Variants in ITPR1 observed in about 807,000 individuals in gnomAD.
ITPR1 encodes inositol 1,4,5-trisphosphate receptor type 1.
A neutral mutation model predicts 318.4 loss-of-function variants in ITPR1; 96 were observed. The ratio of observed to expected loss-of-function variants is 0.30; its 90% CI spans 0.26 to 0.36. The LOEUF (loss-of-function observed/expected upper bound fraction) is 0.36. Ranked by LOEUF, ITPR1 falls within the 10% of genes least tolerant of loss-of-function variation. ITPR1 has a pLI of 1.00. For missense variants in ITPR1, 2,440 were observed against 3,460.2 expected (o/e 0.71, Z 7.40); for synonymous variants, 1,312 against 1,289.9 (o/e 1.02, Z -0.37).
At chr3:4,547,081 ACTTT>A (rs998551558) in intron 4 of ITPR1, among the ~76,000 whole-genome samples, 2 of 152,158 alleles carry the variant, frequency 1.3e-5, no homozygotes, top group Admixed American at 6.5e-5. Context: ...ACACAGCAAA[ACTTT>A]TATTGAGTGT....
chr3:4,594,342 T>C (rs760377036), intron 4 of ITPR1, among the ~76,000 whole-genome samples: 9 of 152,206 alleles, frequency 5.9e-5, no homozygotes, highest in Non-Finnish European at 1.2e-4. Flanking sequence ...TTCCCTGTCT[T>C]GCTTCCTTTA....
chr3:4,545,719 A>G (rs892948278), intron 4 of ITPR1, among the ~76,000 whole-genome samples: 64 of 142,154 alleles, frequency 4.5e-4, no homozygotes, highest in African/African-American at 1.6e-3. Context: ...TTTTTTAAAG[A>G]CAGAGTCTTG....
chr3:4,668,596 T>C (rs2094003180), intron 18 of ITPR1, among the ~76,000 whole-genome samples: 1 of 152,154 alleles, frequency 6.6e-6, no homozygotes, highest in South Asian at 2.1e-4. Context: ...GGCTCCCCAG[T>C]AGCTGCGACT....
In ITPR1 at chr3:4,630,384, C is replaced by T. The variant is rs186954116; in HGVS notation, c.279+2506C>T. Among the ~76,000 whole-genome samples, 29 of 152,116 alleles carry T rather than the reference C, an allele frequency of 1.9e-4. No homozygotes were observed. In the East Asian group the frequency reaches 5.6e-3, roughly 29 times the overall value. The stretch of plus-strand genomic sequence containing the variant: ...GTTGAAATCCCTAAAAATTCAGTTC[C>T]AAAAGTCTAAATCCCTAAAGTGTAA... On this transcript the variant is annotated intron_variant, in intron 5 of 61. Coordinates refer to ENST00000649015, the MANE Select transcript of ITPR1 (RefSeq NM_001378452.1).
chr3:4,750,842 G>A (rs982619762), intron 44 of ITPR1: 1 of 152,036 alleles, frequency 6.6e-6, no homozygotes, highest in African/African-American at 2.4e-5. Context: ...TCCTTCCTAA[G>A]TGCTCAGCTC....
At chr3:4,788,428 G>A (rs902059062) in intron 52 of ITPR1, among the ~76,000 whole-genome samples, 1 of 152,160 alleles carries the variant, frequency 6.6e-6, no homozygotes, top group Non-Finnish European at 1.5e-5. Context: ...TCTCTATCTA[G>A]AAAATAAAAA....
chr3:4,648,611 A>T (rs192380130), intron 10 of ITPR1, among the ~76,000 whole-genome samples: 200 of 152,294 alleles, frequency 1.3e-3, no homozygotes, highest in Non-Finnish European at 2.4e-3. Flanking sequence ...GGAATTCAAG[A>T]CCAACCTGGT....
At chr3:4,793,597 A>G (rs533916263) in intron 52 of ITPR1, among the ~76,000 whole-genome samples, 3 of 152,348 alleles carry the variant, frequency 2.0e-5, no homozygotes, top group South Asian at 2.1e-4. Flanking sequence ...TGCTTCAGCA[A>G]TCAACTTACC....
chr3:4,766,467 C>T, intron 44 of ITPR1, 63 bp from the exon 45 acceptor site: 1 of 1,420,954 alleles, frequency 7.0e-7, no homozygotes, highest in Non-Finnish European at 9.8e-7. Context: ...GTTTTGGTGT[C>T]ATGAGTGGGG....
At chr3:4,602,598 A>G (rs1041012218) in intron 4 of ITPR1, among the ~76,000 whole-genome samples, 11 of 152,136 alleles carry the variant, frequency 7.2e-5, no homozygotes, top group Non-Finnish European at 1.2e-4. Context: ...GCTAAAAAGT[A>G]GAAACAACTC....
intron 4 of ITPR1, among the ~76,000 whole-genome samples, chr3:4,571,512 T>A (rs918071553): frequency 1.3e-5 from 2 of 151,974 alleles, no homozygotes; most frequent in East Asian, 3.9e-4. Flanking sequence ...TTTAAGTTTT[T>A]AAAATTTTAT....
chr3:4,628,754 A>G (rs1228470949), intron 5 of ITPR1, among the ~76,000 whole-genome samples: 6 of 152,128 alleles, frequency 3.9e-5, no homozygotes, highest in Admixed American at 2.0e-4. Context: ...CTTTGTGTCT[A>G]CAACAAGGTT....
chr3:4,739,098 C>T (rs2043510126), intron 44 of ITPR1, among the ~76,000 whole-genome samples: 1 of 152,250 alleles, frequency 6.6e-6, no homozygotes, highest in South Asian at 2.1e-4. Context: ...AGGGTTGTGT[C>T]TGGGGCCAGT....
chr3:4,613,937 G>A (rs1315463864), intron 4 of ITPR1, among the ~76,000 whole-genome samples: 54 of 152,122 alleles, frequency 3.5e-4, no homozygotes, highest in African/African-American at 2.4e-5. Context: ...TCCCCAAGAA[G>A]GTGCTTCTTT....
At chr3:4,803,233 C>T (rs1020730882) in intron 54 of ITPR1, among the ~76,000 whole-genome samples, 3 of 152,196 alleles carry the variant, frequency 2.0e-5, no homozygotes, top group Non-Finnish European at 4.4e-5. Flanking sequence ...AGTCACCTCC[C>T]CCCAGGCCCC....
At chr3:4,681,551 T>C in intron 26 of ITPR1, 133 bp downstream of exon 26, 1 of 667,214 alleles carries the variant, frequency 1.5e-6, no homozygotes. Flanking sequence ...TTGGAACTGT[T>C]AGTACTCAAG....
Position 4,754,058 on chromosome 3 carries a change from G to C in ITPR1, c.5545-12472G>C, listed in dbSNP as rs576612091. Among the ~76,000 whole-genome samples the C allele has an allele frequency of 1.4e-3, 193 of 136,922 alleles. 7 individuals carry two copies. The highest frequency in any genetic ancestry group is 5.2e-3 in the African/African-American group (187 of 35,734). The allele number at this position is 136,922 out of a possible 152,430, so 89.8% of individuals were successfully genotyped here. The stretch of plus-strand genomic sequence containing the variant: ...CACAAACACAGAAAATGGGGGGGGG[G>C]TGGCAAGGATTATTCTTGGCATCTG... On this transcript the variant is annotated intron_variant, in intron 44 of 61. Transcript: ENST00000649015.
chr3:4,788,408 T>C (rs936421038), intron 52 of ITPR1, among the ~76,000 whole-genome samples: 1 of 152,204 alleles, frequency 6.6e-6, no homozygotes, highest in Non-Finnish European at 1.5e-5. Flanking sequence ...TTTGAATGCC[T>C]CTTTTGATAT....
rs2094685751 is a variant in ITPR1, at chr3:4,702,907, A to G, written c.4614A>G (p.Gln1538=). The change falls in exon 36 of 62, where the codon CAA becomes CAG. Residue 1538 remains glutamine (Q), a synonymous_variant. Coordinates refer to ENST00000649015, the MANE Select transcript of ITPR1 (RefSeq NM_001378452.1). ...VYHCNWLMPS[Q]KASVESCIRV... ...ACTGCAACTGGTTAATGCCAAGCCA[A>G]AAAGCCTCCGTGGAGAGCTGTATTC... 2 of 1,614,042 alleles carry G rather than the reference A, an allele frequency of 1.2e-6. No homozygotes were observed. The highest frequency in any genetic ancestry group is 1.7e-6 in the Non-Finnish European group (2 of 1,179,892).
Sources: gnomAD v4.1 joint callset for allele counts (sites outside exome capture counted in the v4.1 genomes callset) on GRCh38, gnomAD v4.1.1 for gene constraint, MANE v1.5 for transcripts, NCBI Gene and HGNC (gene_info 2026-07-23, HGNC 2026-07-21) for gene names.